Variants in ATP13A4 observed in about 807,000 individuals in gnomAD.
ATP13A4 encodes the protein probable cation-transporting ATPase 13A4.
In ATP13A4, 114 loss-of-function variants were observed where a neutral mutation model predicts 142.5. The ratio of observed to expected loss-of-function variants is 0.80; its 90% confidence interval spans 0.69 to 0.93. ATP13A4 has a LOEUF of 0.93. Ranked by LOEUF, ATP13A4 falls within the 40% of genes least tolerant of loss-of-function variation. The pLI is 0.00. For synonymous variants in ATP13A4, 488 were observed against 514.8 expected, an observed-to-expected ratio of 0.95 and a Z score of 0.70; for missense variants, 1,392 against 1,454.0, an observed-to-expected ratio of 0.96 and a Z score of 0.69.
intron 9 of ATP13A4, among the ~76,000 whole-genome samples, chr3:193,468,485 A>C (rs1576994962): frequency 6.6e-6 from 1 of 152,176 alleles, no homozygotes; most frequent in Non-Finnish European, 1.5e-5. Flanking sequence ...GTAGTGGCTC[A>C]CGCCTTTAAT....
At chr3:193,527,610 T>TAA (rs749744484) in intron 1 of ATP13A4, among the ~76,000 whole-genome samples, 1 of 127,518 alleles carries the variant, frequency 7.8e-6, no homozygotes. Context: ...AGGCTCCATC[T>TAA]AAAAAAAAAA....
At chr3:193,423,859 T>G (rs1185640449) in intron 25 of ATP13A4, among the ~76,000 whole-genome samples, 1 of 149,222 alleles carries the variant, frequency 6.7e-6, no homozygotes, top group African/African-American at 2.5e-5. Flanking sequence ...AAAACAGACA[T>G]TCAAATTGGG....
At chr3:193,556,328 C>T (rs1723887201), upstream of ATP13A4, among the ~76,000 whole-genome samples, 1 of 152,094 alleles carries the variant, frequency 6.6e-6, no homozygotes, top group Admixed American at 6.5e-5. Flanking sequence ...CAACCTGACC[C>T]AAATAACCCT....
At chr3:193,471,648 T>C (rs1178557521) in intron 8 of ATP13A4, among the ~76,000 whole-genome samples, 1 of 150,434 alleles carries the variant, frequency 6.6e-6, no homozygotes, top group Admixed American at 6.7e-5. Flanking sequence ...AATAACTGTA[T>C]AGCAAAATTG....
intron 7 of ATP13A4, among the ~76,000 whole-genome samples, chr3:193,486,629 T>C (rs1306918198): frequency 2.0e-5 from 3 of 152,144 alleles, no homozygotes; most frequent in Non-Finnish European, 4.4e-5. Flanking sequence ...ATGTCAAAAG[T>C]GTTGAATTTA....
chr3:193,535,932 A>G (rs1051007414), intron 1 of ATP13A4, among the ~76,000 whole-genome samples: 1 of 152,138 alleles, frequency 6.6e-6, no homozygotes, highest in Non-Finnish European at 1.5e-5. Flanking sequence ...AACTTCACTC[A>G]ATGTGAAATA....
intron 2 of ATP13A4, among the ~76,000 whole-genome samples, chr3:193,577,131 C>G (rs898085501): frequency 9.2e-5 from 14 of 152,168 alleles, no homozygotes; most frequent in Admixed American, 3.9e-4. Context: ...CCACCTATAA[C>G]CAACACCACA....
chr3:193,457,413 G>C lies in ATP13A4; in HGVS notation c.1727C>G (p.Ala576Gly). Residue 576 changes from alanine to glycine, a missense_variant, in exon 15 of 30, where the codon GCC (alanine) becomes GGC (glycine). Physicochemically the swap from Ala to Gly is moderately conservative, Grantham distance 60 (BLOSUM62 0). Coordinates refer to ENST00000342695, the MANE Select transcript of ATP13A4 (RefSeq NM_032279.4). ...TGTTCTGCAGGGCTTAACTACCATG[G>C]CATGTGCCGGCACTCCCTTGATGTG... The part of the protein sequence containing the change: ...DFHIKGVPAH[A>G]MVVKPCRTAS... 6.2e-7 allele frequency: 1 copy of C among 1,614,158 alleles called. No homozygotes were observed. Among genetic ancestry groups the C allele is most frequent in the Non-Finnish European group, 8.5e-7 (1 of 1,180,030 alleles).
In ATP13A4 at chr3:193,399,487, A is replaced by C. The variant is rs1714194536; in HGVS notation, c.*3165T>G. 1.3e-5 allele frequency among the ~76,000 whole-genome samples: 2 copies of C among 152,140 alleles called. No homozygotes were observed. The highest frequency in any genetic ancestry group is 2.4e-5 in the African/African-American group (1 of 41,432). On this transcript the variant is annotated 3_prime_UTR_variant, in exon 30 of 30. Coordinates refer to ENST00000342695, the MANE Select transcript of ATP13A4 (RefSeq NM_032279.4). The stretch of plus-strand genomic sequence containing the variant: ...ATATGTCCACACAATCGGATCTGAC[A>C]AGGCTGGGAGCCCTCCCTCCAGAGC...
chr3:193,564,759 C>T (rs1357107554), intron 2 of ATP13A4, among the ~76,000 whole-genome samples: 1 of 152,132 alleles, frequency 6.6e-6, no homozygotes, highest in Non-Finnish European at 1.5e-5. Flanking sequence ...AGGCCTTGGA[C>T]AGGTATTGCA....
At chr3:193,491,751 T>C (rs952448380) in intron 5 of ATP13A4, among the ~76,000 whole-genome samples, 1 of 152,180 alleles carries the variant, frequency 6.6e-6, no homozygotes, top group African/African-American at 2.4e-5. Context: ...TTTATTACTG[T>C]AAGACAGTGA....
chr3:193,418,125 A>T (rs1326243636), intron 25 of ATP13A4, among the ~76,000 whole-genome samples: 1 of 4,666 alleles, frequency 2.1e-4, no homozygotes, highest in Non-Finnish European at 6.4e-4. Flanking sequence ...CCGTCTCAAA[A>T]AAAAAAAAAA....
chr3:193,485,771 C>T (rs763850081), intron 7 of ATP13A4, among the ~76,000 whole-genome samples: 17 of 151,980 alleles, frequency 1.1e-4, no homozygotes, highest in East Asian at 5.8e-4. Flanking sequence ...CCAGGAGAGA[C>T]GCCTTGTCTC....
chr3:193,584,508 C>A (rs554090576), intron 1 of ATP13A4, among the ~76,000 whole-genome samples: 35 of 152,242 alleles, frequency 2.3e-4, no homozygotes, highest in South Asian at 4.1e-4. Context: ...CAGCTGAAAT[C>A]AATTCTACAC....
chr3:193,458,918 T>C, intron 14 of ATP13A4, 163 bp downstream of exon 14: 2 of 881,140 alleles, frequency 2.3e-6, no homozygotes, highest in East Asian at 2.4e-5. Flanking sequence ...TTAGCTTCAT[T>C]GCACAGATGA....
chr3:193,469,287 G>A (rs757277255), intron 9 of ATP13A4, among the ~76,000 whole-genome samples: 1 of 152,092 alleles, frequency 6.6e-6, no homozygotes, highest in Non-Finnish European at 1.5e-5. Flanking sequence ...AAAGAGAGCT[G>A]GTCAGAATAG....
intron 25 of ATP13A4, among the ~76,000 whole-genome samples, chr3:193,432,511 T>A (rs1716036429): frequency 6.6e-6 from 1 of 152,096 alleles, no homozygotes; most frequent in South Asian, 2.1e-4. Flanking sequence ...GGTAGGTGAA[T>A]GAATAAATCA....
At chr3:193,531,327 GAA>G in intron 1 of ATP13A4, among the ~76,000 whole-genome samples, 3 of 125,196 alleles carry the variant, frequency 2.4e-5, no homozygotes, top group African/African-American at 5.9e-5. Flanking sequence ...AGGAAGGAAG[GAA>G]GGAAGGAAGG....
At chr3:193,521,014 C>T (rs1721684871) in intron 1 of ATP13A4, among the ~76,000 whole-genome samples, 1 of 152,176 alleles carries the variant, frequency 6.6e-6, no homozygotes, top group Admixed American at 6.5e-5. Context: ...AGAATGACAC[C>T]TGGCCCAGAT....
Sources: gnomAD v4.1 joint callset for allele counts (sites outside exome capture counted in the v4.1 genomes callset) on GRCh38, gnomAD v4.1.1 for gene constraint, MANE v1.5 for transcripts, NCBI Gene and HGNC (gene_info 2026-07-23, HGNC 2026-07-21) for gene names.